Variants in NCKAP5 observed in about 807,000 individuals in gnomAD.
The protein encoded by NCKAP5 is NCK associated protein 5.
In NCKAP5, 92 loss-of-function variants were observed where a neutral mutation model predicts 167.0. The observed-to-expected ratio is 0.55, with a 90% CI of 0.47 to 0.66. The LOEUF (loss-of-function observed/expected upper bound fraction) is 0.66, where lower values mean the gene tolerates loss of function less well. Among genes scored for constraint, NCKAP5 ranks in the 30% least tolerant of loss-of-function variants. The pLI is 0.00. For missense variants in NCKAP5, 2,378 were observed against 2,315.0 expected (o/e 1.03, Z -0.56); for synonymous variants, 891 against 877.4 (o/e 1.02, Z -0.27).
chr2:133,100,219 C>T (rs2081465852), intron 6 of NCKAP5, among the ~76,000 whole-genome samples: 1 of 152,200 alleles, frequency 6.6e-6, no homozygotes, highest in African/African-American at 2.4e-5. Flanking sequence ...AAAAGGTAAG[C>T]TATGGTCAAC....
At chr2:133,480,887 G>A (rs904828851) in intron 3 of NCKAP5, among the ~76,000 whole-genome samples, 24 of 152,126 alleles carry the variant, frequency 1.6e-4, no homozygotes, top group South Asian at 6.2e-4. Context: ...TCCCAAAGCC[G>A]GATTGCTCAA....
chr2:133,646,305 T>C, the NCKAP5 span, among the ~76,000 whole-genome samples: 1 of 152,196 alleles, frequency 6.6e-6, no homozygotes. Flanking sequence ...GATCAAATTG[T>C]CAAAAGTTAA....
chr2:133,579,470 T>C, the NCKAP5 span, among the ~76,000 whole-genome samples: 1 of 152,222 alleles, frequency 6.6e-6, no homozygotes, highest in Non-Finnish European at 1.5e-5. Context: ...TTTGATTCTC[T>C]GGCAGAGACT....
rs112835885 is a variant in NCKAP5 at position 133,384,522 on chromosome 2, C to G, written c.70-81412G>C. Reference sequence around the variant, plus strand: ...CCAGCTTTGTTCTTCTGGCTTAGGACTGACTTGGCAATGCGGGCTCTTTTT... The same window carrying G: ...CCAGCTTTGTTCTTCTGGCTTAGGAGTGACTTGGCAATGCGGGCTCTTTTT... On this transcript the variant is annotated intron_variant, in intron 3 of 19. Transcript: ENST00000409261. 6.4e-4 allele frequency among the ~76,000 whole-genome samples: 98 copies of G among 152,212 alleles called. 2 individuals carry two copies. The highest frequency in any genetic ancestry group is 2.2e-3 in the African/African-American group (93 of 41,550).
At chr2:133,582,742 C>T in the NCKAP5 span, among the ~76,000 whole-genome samples, 1 of 152,196 alleles carries the variant, frequency 6.6e-6, no homozygotes, top group Admixed American at 6.5e-5. Context: ...TCTGGCTTCA[C>T]CCTTTGTTAT....
chr2:133,192,993 C>A (rs1053090191), intron 5 of NCKAP5, among the ~76,000 whole-genome samples: 6 of 151,998 alleles, frequency 3.9e-5, no homozygotes, highest in Non-Finnish European at 8.8e-5. Context: ...CTGAAAACAA[C>A]CCAAATGTCT....
At chr2:133,264,392 T>C (rs541281156) in intron 4 of NCKAP5, among the ~76,000 whole-genome samples, 1 of 152,242 alleles carries the variant, frequency 6.6e-6, no homozygotes, top group Non-Finnish European at 1.5e-5. Context: ...CCTAGTCAAA[T>C]GTAGTGTGCT....
the NCKAP5 span, among the ~76,000 whole-genome samples, chr2:133,668,300 A>G: frequency 3.3e-5 from 5 of 152,042 alleles, no homozygotes; most frequent in Non-Finnish European, 7.3e-5. Context: ...TATATGTAGG[A>G]GTGGACCTGA....
At chr2:133,402,437 A>C (rs1261184001) in intron 3 of NCKAP5, among the ~76,000 whole-genome samples, 3 of 152,128 alleles carry the variant, frequency 2.0e-5, no homozygotes, top group African/African-American at 7.2e-5. Flanking sequence ...GGTCACAGGT[A>C]ATAATTTAGT....
chr2:133,652,749 G>T, the NCKAP5 span, among the ~76,000 whole-genome samples: 2 of 152,294 alleles, frequency 1.3e-5, no homozygotes, highest in Non-Finnish European at 2.9e-5. Flanking sequence ...GTTGCTTCCA[G>T]TACAGTTGGA....
intron 3 of NCKAP5, chr2:133,431,827 GAAAC>G (rs2151128523): frequency 6.6e-6 from 1 of 152,112 alleles, no homozygotes; most frequent in Admixed American, 6.6e-5. Context: ...ACTAAAATAA[GAAAC>G]AAACAATAAG....
At chr2:133,179,538 A>G (rs569402517) in intron 5 of NCKAP5, among the ~76,000 whole-genome samples, 1 of 152,340 alleles carries the variant, frequency 6.6e-6, no homozygotes, top group South Asian at 2.1e-4. Flanking sequence ...GAATTATCTG[A>G]TGCAGATTTT....
chr2:133,411,771 G>C (rs1381511706), intron 3 of NCKAP5, among the ~76,000 whole-genome samples: 1 of 152,206 alleles, frequency 6.6e-6, no homozygotes, highest in Non-Finnish European at 1.5e-5. Flanking sequence ...AAGCCCAACA[G>C]TGTGGAAATG....
chr2:133,498,689 G>A (rs542567130), intron 3 of NCKAP5, among the ~76,000 whole-genome samples: 6 of 152,238 alleles, frequency 3.9e-5, no homozygotes, highest in South Asian at 2.1e-4. Context: ...GACGCGGAGG[G>A]AGAGAGGGAG....
intron 7 of NCKAP5, among the ~76,000 whole-genome samples, chr2:132,966,304 T>C (rs2076661912): frequency 6.6e-6 from 1 of 152,104 alleles, no homozygotes; most frequent in African/African-American, 2.4e-5. Flanking sequence ...TTCACCAGGT[T>C]AGCCAGGCTG....
chr2:133,553,435 G>C (rs1427069326), intron 2 of NCKAP5, among the ~76,000 whole-genome samples: 1 of 152,190 alleles, frequency 6.6e-6, no homozygotes, highest in East Asian at 1.9e-4. Context: ...AATGTCGTCA[G>C]CCCAAACTTG....
At chr2:133,328,280 G>T (rs1213501941) in intron 3 of NCKAP5, among the ~76,000 whole-genome samples, 2 of 152,128 alleles carry the variant, frequency 1.3e-5, no homozygotes, top group Non-Finnish European at 2.9e-5. Flanking sequence ...CTCTCATTAT[G>T]TCATTTTCAG....
intron 3 of NCKAP5, among the ~76,000 whole-genome samples, chr2:133,366,866 T>C (rs1164128997): frequency 6.6e-6 from 1 of 152,188 alleles, no homozygotes; most frequent in African/African-American, 2.4e-5. Flanking sequence ...GTGACACTTC[T>C]GCTTGCCCAA....
At chr2:132,969,702 G>C (rs1288925792) in intron 7 of NCKAP5, among the ~76,000 whole-genome samples, 1 of 152,132 alleles carries the variant, frequency 6.6e-6, no homozygotes, top group African/African-American at 2.4e-5. Context: ...CACTTTGAAT[G>C]GTCCTGGGGT....
Sources: allele counts gnomAD v4.1 joint callset (sites outside exome capture counted in the v4.1 genomes callset), GRCh38; gene constraint gnomAD v4.1.1; transcripts MANE v1.5; gene names NCBI Gene and HGNC (gene_info 2026-07-23, HGNC 2026-07-21).